The following SEC23B variants were observed in gnomAD, a reference collection of about 807,000 sequenced individuals.
SEC23B encodes SEC23 homolog B, COPII component.
SEC23B carries 77 observed loss-of-function variants against 104.3 expected under a neutral mutation model. The observed-to-expected ratio is 0.74, with a 90% confidence interval of 0.61 to 0.89. SEC23B has a LOEUF of 0.89. Among genes scored for constraint, SEC23B ranks in the 40% least tolerant of loss-of-function variants. The pLI is 0.00. For missense variants in SEC23B, 885 were observed against 949.4 expected, an observed-to-expected ratio of 0.93 and a Z score of 0.89; for synonymous variants, 338 against 332.5, an observed-to-expected ratio of 1.02 and a Z score of -0.18.
At chr20:18,508,863 G>A (rs1037653629) in intron 1 of SEC23B, among the ~76,000 whole-genome samples, 2 of 151,934 alleles carry the variant, frequency 1.3e-5, no homozygotes, top group East Asian at 1.9e-4. Flanking sequence ...TGGGATTACA[G>A]GCACCTGCCA....
intron 13 of SEC23B, 43 bp downstream of exon 13, chr20:18,542,445 A>G (rs762425509): frequency 9.9e-6 from 15 of 1,512,046 alleles, no homozygotes; most frequent in Non-Finnish European, 1.3e-5. Flanking sequence ...ACTGACTGAC[A>G]TTTTTCCCTT....
chr20:18,542,355 G>A lies in SEC23B; in HGVS notation c.1464G>A (p.Gln488=). 2 of 1,614,204 alleles carry A rather than the reference G, an allele frequency of 1.2e-6. No homozygotes were observed. The highest frequency in any genetic ancestry group is 4.5e-5 in the East Asian group (2 of 44,884). Residue 488 remains glutamine (Q), a synonymous_variant, in exon 13 of 20, where the codon CAG becomes CAA. Transcript: ENST00000650089. ...CCATCCAGTTTGTCACGCATTATCA[G>A]CACTCCAGCACCCAGAGACGCATCC... is the stretch of plus-strand genomic sequence containing the variant. ...RGAIQFVTHY[Q]HSSTQRRIRV...
At chr20:18,537,768 AC>A (rs1409129859) in intron 12 of SEC23B, among the ~76,000 whole-genome samples, 4 of 152,054 alleles carry the variant, frequency 2.6e-5, no homozygotes, top group Admixed American at 6.6e-5. Context: ...AAATAAAAAA[AC>A]CTGTGTTGCT....
At chr20:18,556,297 G>A (rs1234684526) in intron 19 of SEC23B, among the ~76,000 whole-genome samples, 1 of 151,798 alleles carries the variant, frequency 6.6e-6, no homozygotes, top group Non-Finnish European at 1.5e-5. Context: ...GGTATGCATA[G>A]GTTATATGCA....
chr20:18,559,591 G>A (rs566029173), intron 19 of SEC23B, among the ~76,000 whole-genome samples: 3 of 152,196 alleles, frequency 2.0e-5, no homozygotes, highest in South Asian at 4.2e-4. Context: ...ATTTTTGCCC[G>A]GAGTACAGTG....
chr20:18,545,608 C>G (rs763938701), intron 14 of SEC23B, among the ~76,000 whole-genome samples: 1 of 152,122 alleles, frequency 6.6e-6, no homozygotes, highest in Admixed American at 6.5e-5. Context: ...CAAAGCGTAA[C>G]TATAATTGTT....
intron 2 of SEC23B, 30 bp downstream of exon 2, chr20:18,511,086 G>T (rs2059978334): frequency 6.7e-7 from 1 of 1,491,310 alleles, no homozygotes; most frequent in South Asian, 1.1e-5. Context: ...TGGTAAAAAT[G>T]ATAAATACAA....
chr20:18,525,115 T>C, intron 6 of SEC23B, 95 bp downstream of exon 6: 2 of 1,128,400 alleles, frequency 1.8e-6, no homozygotes, highest in Non-Finnish European at 2.6e-6. Flanking sequence ...TTGTATTTTC[T>C]TATTATTAGA....
rs564292305 is a variant in SEC23B, at chr20:18,553,969, A to G, written c.1993-266A>G. Among the ~76,000 whole-genome samples the G allele has an allele frequency of 4.6e-5, 7 of 152,296 alleles. No individual in the cohort carries two copies. The South Asian group carries it at 1.5e-3, about 32-fold the overall frequency. On this transcript the variant is annotated intron_variant, in intron 17 of 19. Transcript: ENST00000650089. ...CACCGCTCCTTGGGATGAGTAATCCATGGGCTTTGTTAACTAGTTGATATA... is the reference window on the plus strand; with the variant it reads ...CACCGCTCCTTGGGATGAGTAATCCGTGGGCTTTGTTAACTAGTTGATATA...
At chr20:18,508,729 T>TTTTC (rs1023361601) in intron 1 of SEC23B, among the ~76,000 whole-genome samples, 6 of 143,460 alleles carry the variant, frequency 4.2e-5, no homozygotes, top group Non-Finnish European at 9.1e-5. Context: ...TTTTTTTTTT[T>TTTTC]TTTTTTTTGA....
rs759388396 is a variant in SEC23B at position 18,515,723 on chromosome 20, A to G, written c.353A>G (p.Glu118Gly). 3.8e-6 allele frequency: 6 copies of G among 1,591,200 alleles called. No homozygotes were observed. Among genetic ancestry groups the G allele is most frequent in the Middle Eastern group, 1.7e-4 (1 of 6,050 alleles). Residue 118 changes from glutamate (E) to glycine (G), a missense_variant, in exon 4 of 20, where the codon GAG becomes GGG. Coordinates refer to ENST00000650089, the MANE Select transcript of SEC23B (RefSeq NM_006363.6). The stretch of plus-strand genomic sequence containing the variant: ...TTGATGCCCCAGTTTTCTACAATTG[A>G]GTACGTGATACAGGTAATTTCTTTG... ...AELMPQFSTI[E>G]YVIQRGAQSP...
intron 15 of SEC23B, among the ~76,000 whole-genome samples, chr20:18,547,919 C>CT (rs1045896592): frequency 6.2e-3 from 3 of 484 alleles, no homozygotes; most frequent in Non-Finnish European, 0.01. Flanking sequence ...AGGCCCTTTT[C>CT]TTAAAAAAAT....
chr20:18,508,770 A>C (rs924304477), intron 1 of SEC23B, among the ~76,000 whole-genome samples: 3 of 123,048 alleles, frequency 2.4e-5, no homozygotes, highest in Non-Finnish European at 4.7e-5. Flanking sequence ...CCCAGGCTGG[A>C]GTGCAGTGGC....
intron 4 of SEC23B, among the ~76,000 whole-genome samples, chr20:18,524,125 G>T (rs1407257338): frequency 6.6e-6 from 1 of 152,174 alleles, no homozygotes; most frequent in African/African-American, 2.4e-5. Context: ...CAGAAAGTTT[G>T]CTCCTTGAGG....
rs542128508 is a variant in SEC23B at position 18,543,294 on chromosome 20, T to C, written c.1665+122T>C. ...AAGAATTTATCAGTTGCCTACCTTA[T>C]GCTGCACGCTGGACATTCTGTTAAA... is the stretch of plus-strand genomic sequence containing the variant. On this transcript the variant is annotated intron_variant, in intron 14 of 19. Transcript: ENST00000650089. 193 of 1,168,640 alleles carry C rather than the reference T, an allele frequency of 1.7e-4. No individual in the cohort carries two copies. In the South Asian group the frequency reaches 2.3e-3, roughly 14 times the overall value. 72.4% of individuals were successfully genotyped at this position (1,168,640 alleles called of 1,614,324 possible). A position where few individuals can be genotyped will look rare whatever the true frequency, so the allele number is the denominator to read the frequency against.
chr20:18,553,096 C>A (rs759911958), intron 17 of SEC23B, among the ~76,000 whole-genome samples: 2 of 152,192 alleles, frequency 1.3e-5, no homozygotes, highest in Non-Finnish European at 2.9e-5. Flanking sequence ...CTTTTGCAAC[C>A]CCTGATCCTG....
intron 4 of SEC23B, among the ~76,000 whole-genome samples, chr20:18,520,498 G>A (rs1040850530): frequency 1.3e-5 from 2 of 152,128 alleles, no homozygotes; most frequent in Non-Finnish European, 2.9e-5. Flanking sequence ...GGGGAAAAGA[G>A]CGGGAGTGAG....
intron 19 of SEC23B, among the ~76,000 whole-genome samples, chr20:18,559,080 T>TGGGG (rs71194250): frequency 7.4e-5 from 9 of 121,392 alleles, no homozygotes; most frequent in Non-Finnish European, 9.8e-5. Flanking sequence ...AGGTGGTTGG[T>TGGGG]GGGGGGGGTG....
At chr20:18,539,049 CA>C (rs367686822) in intron 12 of SEC23B, among the ~76,000 whole-genome samples, 226 of 136,704 alleles carry the variant, frequency 1.7e-3, no homozygotes, top group Middle Eastern at 7.5e-3. Flanking sequence ...ACTAAAAATA[CA>C]AAAAAAAAAA....
Sources: gnomAD v4.1 joint callset for allele counts (sites outside exome capture counted in the v4.1 genomes callset) on GRCh38, gnomAD v4.1.1 for gene constraint, MANE v1.5 for transcripts, NCBI Gene and HGNC (gene_info 2026-07-23, HGNC 2026-07-21) for gene names.